The following EPAS1 variants were observed in gnomAD, a reference collection of about 807,000 sequenced individuals.
The protein encoded by EPAS1 is endothelial PAS domain-containing protein 1.
In EPAS1, 23 loss-of-function variants were observed where a neutral mutation model predicts 87.9. That is an observed-to-expected ratio of 0.26 (90% CI 0.19 to 0.37). EPAS1 has a LOEUF of 0.37. Ranked by LOEUF, EPAS1 falls within the 10% of genes least tolerant of loss-of-function variation. The pLI, the probability that EPAS1 is intolerant of heterozygous loss-of-function variation, is 1.00. For synonymous variants in EPAS1, 508 were observed against 444.3 expected, an observed-to-expected ratio of 1.14 and a Z score of -1.80; for missense variants, 1,138 against 1,120.7, an observed-to-expected ratio of 1.02 and a Z score of -0.22.
intron 13 of EPAS1, 101 bp from the exon 14 acceptor site, chr2:46,381,874 C>T (rs990164842): frequency 6.6e-7 from 1 of 1,525,778 alleles, no homozygotes; most frequent in African/African-American, 1.4e-5. Context: ...CCCTTCCAAG[C>T]CAGCAAGTGC....
intron 1 of EPAS1, among the ~76,000 whole-genome samples, chr2:46,328,202 C>A (rs987643715): frequency 1.3e-5 from 2 of 152,136 alleles, no homozygotes; most frequent in South Asian, 2.1e-4. Flanking sequence ...AGTGAGGTCA[C>A]CCCGGCCAGG....
intron 2 of EPAS1, among the ~76,000 whole-genome samples, chr2:46,350,705 C>A (rs79077431): frequency 6.6e-6 from 1 of 152,238 alleles, no homozygotes; most frequent in Non-Finnish European, 1.5e-5. Context: ...AGTGAATATA[C>A]AAAATTTGCT....
At chr2:46,363,836 TGCTGGAGA>T (rs1326113668) in intron 6 of EPAS1, among the ~76,000 whole-genome samples, 2 of 152,256 alleles carry the variant, frequency 1.3e-5, no homozygotes, top group East Asian at 3.8e-4. Flanking sequence ...AATTCAGTGG[TGCTGGAGA>T]GCTGCATGTA....
intron 12 of EPAS1, 87 bp from the exon 13 acceptor site, chr2:46,381,509 G>T (rs1684890154): frequency 6.2e-7 from 1 of 1,605,858 alleles, no homozygotes; most frequent in Non-Finnish European, 8.5e-7. Context: ...CATCAGCATT[G>T]GGACTGGAAG....
rs559272324 is a variant in EPAS1 at position 46,347,893 on chromosome 2, C to T, written c.217+830C>T. Among the ~76,000 whole-genome samples the T allele has an allele frequency of 4.6e-5, 7 of 152,288 alleles. No homozygotes were observed. In the South Asian group the frequency reaches 1.5e-3, roughly 32 times the overall value. On this transcript the variant is annotated intron_variant, in intron 2 of 15. Coordinates refer to ENST00000263734, the MANE Select transcript of EPAS1 (RefSeq NM_001430.5). This position sits in a 1 kb window ranked among gnomAD's most constrained non-coding sequence, Gnocchi z 4.2. Reference sequence around the variant, plus strand: ...AGGACGCTGGGCAACGAGTTGTGCTCCTCCCCACCTGGTCTGGTGCCACAG... The same window carrying T: ...AGGACGCTGGGCAACGAGTTGTGCTTCTCCCCACCTGGTCTGGTGCCACAG...
chr2:46,352,401 G>T (rs1346487990), intron 2 of EPAS1, among the ~76,000 whole-genome samples: 2 of 152,192 alleles, frequency 1.3e-5, no homozygotes, highest in African/African-American at 4.8e-5. Context: ...GACACTTCTG[G>T]ACAGATTACC....
At chr2:46,376,406 A>T in intron 8 of EPAS1, 133 bp from the exon 9 acceptor site, 1 of 831,642 alleles carries the variant, frequency 1.2e-6, no homozygotes, top group Non-Finnish European at 2.1e-6. Context: ...ATGGTTCTTT[A>T]TAAGACGCCA....
In EPAS1 at chr2:46,378,047, C is replaced by T; in HGVS notation, c.1403C>T (p.Thr468Ile). Residue 468 changes from threonine to isoleucine, a missense_variant, in exon 10 of 16, where the codon ACC (threonine) becomes ATC (isoleucine). By Grantham distance (89) the Thr-to-Ile change is moderately conservative (BLOSUM62 -1). This residue lies in a region of EPAS1 where 284 missense variants were observed against 258.4 expected (regional missense o/e 1.10). Transcript: ENST00000263734. Reference sequence around the variant, plus strand: ...CCCCAGGCAGCTGCCCCGGGCAGCACCACCCCCAGTGCCACCAGCAGCAGC... The same window carrying T: ...CCCCAGGCAGCTGCCCCGGGCAGCATCACCCCCAGTGCCACCAGCAGCAGC... ...TVPQAAAPGS[T>I]TPSATSSSSS... The T allele has an allele frequency of 6.2e-7, 1 of 1,606,756 alleles. No individual in the cohort carries two copies. Among genetic ancestry groups the T allele is most frequent in the Non-Finnish European group, 8.5e-7 (1 of 1,177,778 alleles).
chr2:46,378,959 A>G lies in EPAS1; in HGVS notation c.1554+192A>G, dbSNP rs75840827. Among the ~76,000 whole-genome samples the G allele has an allele frequency of 7.9e-3, 1,204 of 152,348 alleles. 13 individuals carry two copies. The highest frequency in any genetic ancestry group is 0.028 in the African/African-American group (1,175 of 41,572). On this transcript the variant is annotated intron_variant, in intron 11 of 15. Transcript: ENST00000263734. Reference sequence around the variant, plus strand: ...GTGGTCACCCCCTCCTCCCACTGTCAAATCCAGCTCTTCCAGCATATGTGT... The same window carrying G: ...GTGGTCACCCCCTCCTCCCACTGTCGAATCCAGCTCTTCCAGCATATGTGT...
At chr2:46,377,762 G>A (rs755096322) in intron 9 of EPAS1, 132 bp from the exon 10 acceptor site, 8 of 1,472,660 alleles carry the variant, frequency 5.4e-6, no homozygotes, top group Non-Finnish European at 7.4e-6. Flanking sequence ...GCCCCAGGGT[G>A]TTGGGGGGGC....
intron 1 of EPAS1, among the ~76,000 whole-genome samples, chr2:46,327,407 A>AT (rs1683584470): frequency 6.6e-6 from 1 of 152,150 alleles, no homozygotes; most frequent in Non-Finnish European, 1.5e-5. Flanking sequence ...AGGAATAGAG[A>AT]TTTTAGAATG....
intron 1 of EPAS1, among the ~76,000 whole-genome samples, chr2:46,333,115 C>G (rs953474014): frequency 6.6e-6 from 1 of 152,122 alleles, no homozygotes; most frequent in Admixed American, 6.5e-5. Context: ...GTTAAGCAAC[C>G]TAGTGATGAA....
At chr2:46,306,099 T>G (rs1683104860) in intron 1 of EPAS1, among the ~76,000 whole-genome samples, 1 of 152,222 alleles carries the variant, frequency 6.6e-6, no homozygotes, top group Non-Finnish European at 1.5e-5. Flanking sequence ...TATAAGTTGT[T>G]TAAAATACAT....
Position 46,375,850 on chromosome 2 carries a change from G to C in EPAS1, c.1034+13G>C, listed in dbSNP as rs1160680621. 6.2e-7 allele frequency: 1 copy of C among 1,614,042 alleles called. No homozygotes were observed. Among genetic ancestry groups the C allele is most frequent in the Non-Finnish European group, 8.5e-7 (1 of 1,180,036 alleles). On this transcript the variant is annotated intron_variant, in intron 8 of 15. Transcript: ENST00000263734. This position sits in a 1 kb window ranked among gnomAD's most constrained non-coding sequence, Gnocchi z 4.1. ...ACTACGTCCTGAGGTAAGCATGTGA[G>C]GGCTGGCGGGCCTTGGTGCAGGGTA...
intron 1 of EPAS1, 136 bp downstream of exon 1, chr2:46,298,073 T>A: frequency 9.0e-7 from 1 of 1,113,630 alleles, no homozygotes; most frequent in Non-Finnish European, 1.3e-6. Context: ...TGGAGGGCTG[T>A]GAGGGGGAGA....
rs1682980608 is a variant in EPAS1, at chr2:46,300,795, C to T, written c.26+2858C>T. 6.6e-6 allele frequency among the ~76,000 whole-genome samples: 1 copy of T among 152,172 alleles called. No individual in the cohort carries two copies. Among genetic ancestry groups the T allele is most frequent in the African/African-American group, 2.4e-5 (1 of 41,424 alleles). ...CAGACACCTTCCCAGAGTGCTTATA[C>T]AGTAGTGCTCAGTACAGGGCTAGCG... On this transcript the variant is annotated intron_variant, in intron 1 of 15. Transcript: ENST00000263734. This position sits in a 1 kb window ranked among gnomAD's most constrained non-coding sequence, Gnocchi z 4.1.
chr2:46,355,959 C>G (rs1684260793), intron 2 of EPAS1, among the ~76,000 whole-genome samples, 192 bp from the exon 3 acceptor site: 1 of 152,224 alleles, frequency 6.6e-6, no homozygotes, highest in Non-Finnish European at 1.5e-5. Context: ...CTCACAGCTC[C>G]CGTCAGGGTG....
At chr2:46,381,523 C>A (rs1684890498) in intron 12 of EPAS1, 73 bp from the exon 13 acceptor site, 3 of 1,611,952 alleles carry the variant, frequency 1.9e-6, no homozygotes, top group Non-Finnish European at 2.5e-6. Context: ...CTGGAAGGGC[C>A]CCTAAGATGA....
At chr2:46,377,865 G>A (rs1484476450) in intron 9 of EPAS1, 29 bp from the exon 10 acceptor site, 3 of 1,551,728 alleles carry the variant, frequency 1.9e-6, no homozygotes, top group East Asian at 2.4e-5. Flanking sequence ...GGTTGTGGGT[G>A]TTCACCTCCC....
Sources: allele counts gnomAD v4.1 joint callset (sites outside exome capture counted in the v4.1 genomes callset), GRCh38; gene constraint gnomAD v4.1.1; regional missense constraint gnomAD v4.1.1; non-coding constraint Gnocchi (gnomAD v3.1); transcripts MANE v1.5; gene names NCBI Gene and HGNC (gene_info 2026-07-23, HGNC 2026-07-21).